PALM2AKAP2: variants seen among roughly 807,000 people sequenced by gnomAD.
The protein encoded by PALM2AKAP2 is PALM2-AKAP2 fusion protein.
A neutral mutation model predicts 71.5 loss-of-function variants in PALM2AKAP2; 37 were observed. That is an observed-to-expected ratio of 0.52 (90% confidence interval 0.40 to 0.68). The LOEUF is 0.68. Among genes scored for constraint, PALM2AKAP2 ranks in the 30% least tolerant of loss-of-function variants. PALM2AKAP2 has a pLI of 0.00. For missense variants in PALM2AKAP2, 1,224 were observed against 1,191.8 expected, an observed-to-expected ratio of 1.03 and a Z score of -0.40; for synonymous variants, 468 against 478.8, an observed-to-expected ratio of 0.98 and a Z score of 0.29.
chr9:110,107,212 A>G (rs1228319874), intron 1 of PALM2AKAP2, among the ~76,000 whole-genome samples: 1 of 152,220 alleles, frequency 6.6e-6, no homozygotes, highest in African/African-American at 2.4e-5. Flanking sequence ...TAACAATAAT[A>G]TACAGTTTCA....
intron 1 of PALM2AKAP2, among the ~76,000 whole-genome samples, chr9:110,078,998 G>A (rs1490625295): frequency 6.6e-6 from 1 of 152,072 alleles, no homozygotes; most frequent in African/African-American, 2.4e-5. Flanking sequence ...TATCGCCCTG[G>A]GCCGTTCAAC....
chr9:110,083,882 T>A (rs1834503512), intron 1 of PALM2AKAP2, among the ~76,000 whole-genome samples: 1 of 152,128 alleles, frequency 6.6e-6, no homozygotes, highest in South Asian at 2.1e-4. Context: ...TTTCAGAAAG[T>A]AACTGGAGAA....
intron 3 of PALM2AKAP2, among the ~76,000 whole-genome samples, chr9:109,911,232 A>G (rs185156422): frequency 8.5e-4 from 129 of 152,368 alleles, no homozygotes; most frequent in Admixed American, 9.8e-4. Context: ...TACTGCTTTG[A>G]AATGAAATAA....
intron 1 of PALM2AKAP2, among the ~76,000 whole-genome samples, chr9:109,666,834 C>T (rs1827492392): frequency 1.3e-5 from 2 of 152,190 alleles, no homozygotes; most frequent in Admixed American, 1.3e-4. Flanking sequence ...TAAGAGCCAG[C>T]CCACCAAAGA....
At chr9:109,811,995 C>T (rs1286015464) in intron 1 of PALM2AKAP2, among the ~76,000 whole-genome samples, 1 of 152,236 alleles carries the variant, frequency 6.6e-6, no homozygotes, top group Non-Finnish European at 1.5e-5. Flanking sequence ...CCAGGGGTCA[C>T]TGGCCCTGCC....
At chr9:110,031,522 G>T (rs192130831) in intron 7 of PALM2AKAP2, among the ~76,000 whole-genome samples, 1 of 152,294 alleles carries the variant, frequency 6.6e-6, no homozygotes, top group Admixed American at 6.5e-5. Context: ...CATATATTGA[G>T]AACTTCCCAT....
chr9:109,898,860 C>T (rs940465254), intron 3 of PALM2AKAP2, among the ~76,000 whole-genome samples: 1 of 152,156 alleles, frequency 6.6e-6, no homozygotes, highest in African/African-American at 2.4e-5. Context: ...CTTCTAAATC[C>T]TCACTTTCAT....
intron 6 of PALM2AKAP2, among the ~76,000 whole-genome samples, chr9:110,012,059 C>G (rs2132324633): frequency 6.6e-6 from 1 of 152,304 alleles, no homozygotes. Flanking sequence ...CTTTGGGAGA[C>G]TGAGGTGGTT....
At chr9:110,157,267 TC>T (rs79857768) in intron 3 of PALM2AKAP2, among the ~76,000 whole-genome samples, 10,981 of 152,234 alleles carry the variant, frequency 0.072, 615 homozygotes, top group East Asian at 0.26. Flanking sequence ...CATCACCTCC[TC>T]CCCTGACTGC....
At chr9:109,879,427 G>T (rs962853394) in intron 2 of PALM2AKAP2, among the ~76,000 whole-genome samples, 1 of 152,170 alleles carries the variant, frequency 6.6e-6, no homozygotes, top group Non-Finnish European at 1.5e-5. Context: ...CCATGGGCAT[G>T]GTCACTGGTC....
intron 7 of PALM2AKAP2, among the ~76,000 whole-genome samples, chr9:110,020,513 T>C (rs867998293): frequency 1.4e-4 from 21 of 151,846 alleles, no homozygotes; most frequent in Admixed American, 2.6e-4. Flanking sequence ...TGAAACCCCA[T>C]CTCTACTAAA....
Position 109,842,221 on chromosome 9 carries a change from C to T in PALM2AKAP2, c.46-25270C>T, listed in dbSNP as rs565800022. On this transcript the variant is annotated intron_variant, in intron 1 of 9. Transcript: ENST00000302798. ...GAATGCCCCTGGGGAGTGTACAGGA[C>T]CATCCTTTATAGTGTGAGTAGAAAG... Among the ~76,000 whole-genome samples, 35 of 152,212 alleles carry T rather than the reference C, an allele frequency of 2.3e-4. No homozygotes were observed. The South Asian group carries it at 5.0e-3, about 22-fold the overall frequency.
At chr9:110,018,139 G>C (rs760917084) in intron 7 of PALM2AKAP2, among the ~76,000 whole-genome samples, 13 of 151,928 alleles carry the variant, frequency 8.6e-5, no homozygotes, top group Non-Finnish European at 1.5e-4. Flanking sequence ...GTTGTATTTG[G>C]GTCCCTCTAG....
At chr9:109,983,085 A>G (rs1832306241) in intron 6 of PALM2AKAP2, among the ~76,000 whole-genome samples, 1 of 151,908 alleles carries the variant, frequency 6.6e-6, no homozygotes, top group African/African-American at 2.4e-5. Context: ...TTCCCCTAAA[A>G]CCCCTTAGGC....
chr9:109,645,613 G>A (rs1827140061), intron 1 of PALM2AKAP2, among the ~76,000 whole-genome samples: 1 of 151,580 alleles, frequency 6.6e-6, no homozygotes, highest in Non-Finnish European at 1.5e-5. Context: ...AATGTGGATG[G>A]AGCTGGATGC....
rs183928659 is a variant in PALM2AKAP2, at chr9:109,699,592, A to T, written c.5+58726A>T. 2.2e-3 allele frequency among the ~76,000 whole-genome samples: 341 copies of T among 152,316 alleles called. 1 individual carries two copies. The highest frequency in any genetic ancestry group is 7.8e-3 in the African/African-American group (324 of 41,578). On this transcript the variant is annotated intron_variant, in intron 1 of 6. Coordinates refer to the PALM2AKAP2 transcript ENST00000374531. ...AGAGTAAAAATATGAGAAAGCACTT[A>T]AAGTATATTATTAAGTGAAGAAAGC...
chr9:110,145,390 C>G (rs771735855), intron 2 of PALM2AKAP2, among the ~76,000 whole-genome samples: 3 of 152,166 alleles, frequency 2.0e-5, no homozygotes, highest in Non-Finnish European at 4.4e-5. Flanking sequence ...AGTTATTTCC[C>G]AGGAAGAAGC....
intron 1 of PALM2AKAP2, among the ~76,000 whole-genome samples, chr9:109,711,548 G>A (rs1828237295): frequency 6.6e-6 from 1 of 152,248 alleles, no homozygotes; most frequent in South Asian, 2.1e-4. Context: ...AGGGTGGTTA[G>A]TGAGTCTGAG....
chr9:110,046,434 A>C (rs1833597566), upstream of PALM2AKAP2, among the ~76,000 whole-genome samples: 1 of 151,470 alleles, frequency 6.6e-6, no homozygotes, highest in African/African-American at 2.4e-5. Context: ...TAAAGAAGCA[A>C]TTCAGAATAA....
Sources: allele counts gnomAD v4.1 joint callset (sites outside exome capture counted in the v4.1 genomes callset), GRCh38; gene constraint gnomAD v4.1.1; transcripts MANE v1.5; gene names NCBI Gene and HGNC (gene_info 2026-07-23, HGNC 2026-07-21).